The following CTBP2 variants were observed in gnomAD, a reference collection of about 807,000 sequenced individuals.
CTBP2 encodes C-terminal binding protein 2, also known as C-terminal-binding protein 2.
CTBP2 carries 30 observed loss-of-function variants against 80.3 expected under a neutral mutation model. The observed-to-expected ratio is 0.37, with a 90% CI of 0.28 to 0.51. The LOEUF is 0.51. Among genes scored for constraint, CTBP2 ranks in the 20% least tolerant of loss-of-function variants. The pLI, the probability that CTBP2 is intolerant of heterozygous loss-of-function variation, is 0.93. For synonymous variants in CTBP2, 594 were observed against 587.4 expected, an observed-to-expected ratio of 1.01 and a Z score of -0.16; for missense variants, 1,212 against 1,375.3, an observed-to-expected ratio of 0.88 and a Z score of 1.88.
At chr10:125,078,179 C>A (rs1846566266) in intron 2 of CTBP2, among the ~76,000 whole-genome samples, 1 of 150,260 alleles carries the variant, frequency 6.7e-6, no homozygotes, top group Non-Finnish European at 1.5e-5. Flanking sequence ...ACTCTGGAGG[C>A]TGAGGCAGGA....
At chr10:125,079,867 A>C (rs1846908365) in intron 2 of CTBP2, among the ~76,000 whole-genome samples, 1 of 152,142 alleles carries the variant, frequency 6.6e-6, no homozygotes, top group South Asian at 2.1e-4. Context: ...TGTGATGAAA[A>C]CCACTTCCAC....
chr10:124,993,335 A>G lies in CTBP2; in HGVS notation c.2532-6T>C. 6.2e-7 allele frequency: 1 copy of G among 1,605,624 alleles called. No homozygotes were observed. Among genetic ancestry groups the G allele is most frequent in the Non-Finnish European group, 8.5e-7 (1 of 1,173,070 alleles). On this transcript the variant is annotated splice_polypyrimidine_tract_variant and splice_region_variant and intron_variant, in intron 6 of 8. Coordinates refer to ENST00000309035, the MANE Select transcript of CTBP2 (RefSeq NM_022802.3). ...TCAACGGACCCTGAGCAAAGCTAGA[A>G]AAATGTAGAAAAAACAGAGTAAGCG...
In CTBP2 at chr10:124,985,747, C is replaced by T. The variant is rs992997795; in HGVS notation, c.*3771G>A. 20 of 152,308 alleles carry T rather than the reference C, an allele frequency of 1.3e-4. No individual in the cohort carries two copies. The highest frequency in any genetic ancestry group is 7.9e-4 in the Admixed American group (12 of 15,270). 9.4% of individuals were successfully genotyped at this position (152,308 alleles called of 1,614,324 possible). A position where few individuals can be genotyped will look rare whatever the true frequency, so the allele number is the denominator to read the frequency against. On this transcript the variant is annotated 3_prime_UTR_variant, in exon 9 of 9. Transcript: ENST00000309035. ...AAAATGAGGGTTCTTATTCCAGATT[C>T]TGGGCAGTGGTCTGTGAGTAGTTTT...
At position 124,992,901 on chromosome 10, in the gene CTBP2, T is replaced by A. The variant is rs1473623072; in HGVS notation, c.2660-89A>T. 1.0e-5 allele frequency: 11 copies of A among 1,057,462 alleles called. No individual in the cohort carries two copies. The East Asian group carries it at 2.8e-4, about 27-fold the overall frequency. 65.5% of individuals were successfully genotyped at this position (1,057,462 alleles called of 1,614,324 possible). ...ACCTGTAGCTGCTTATGTGGGGAAA[T>A]AAGCATTTGTAAAAATGTAGAACAT... On this transcript the variant is annotated intron_variant, in intron 7 of 8. Coordinates refer to ENST00000309035, the MANE Select transcript of CTBP2 (RefSeq NM_022802.3).
chr10:125,011,780 G>A (rs1289155109), intron 1 of CTBP2, among the ~76,000 whole-genome samples: 5 of 152,216 alleles, frequency 3.3e-5, no homozygotes, highest in Non-Finnish European at 7.3e-5. Flanking sequence ...GCTATTTCCC[G>A]GTTTGTAATG....
chr10:125,025,390 C>T (rs1426266191), intron 1 of CTBP2, among the ~76,000 whole-genome samples: 1 of 152,222 alleles, frequency 6.6e-6, no homozygotes, highest in Non-Finnish European at 1.5e-5. Context: ...AAGAAAACCA[C>T]CTACCATCAC....
intron 1 of CTBP2, among the ~76,000 whole-genome samples, chr10:125,116,281 A>C (rs1364684389): frequency 6.6e-6 from 1 of 152,190 alleles, no homozygotes; most frequent in Non-Finnish European, 1.5e-5. Flanking sequence ...TGCAGGTCAC[A>C]GTGCCCCACA....
chr10:125,146,833 G>A (rs533151853), intron 1 of CTBP2, among the ~76,000 whole-genome samples: 6 of 152,256 alleles, frequency 3.9e-5, no homozygotes, highest in South Asian at 2.1e-4. Context: ...GATGCTGTAC[G>A]CACATGCGTA....
chr10:125,006,331 C>T (rs542103282), intron 1 of CTBP2, among the ~76,000 whole-genome samples: 1 of 152,062 alleles, frequency 6.6e-6, no homozygotes, highest in Non-Finnish European at 1.5e-5. Context: ...GGGTGGGATG[C>T]TTGCGTGCCC....
rs1383859950 is a variant in CTBP2 at position 124,988,615 on chromosome 10, G to GT, written c.*902dup. 6.6e-6 allele frequency: 1 copy of GT among 152,604 alleles called. No individual in the cohort carries two copies. The highest frequency in any genetic ancestry group is 1.5e-5 in the Non-Finnish European group (1 of 68,024). The allele number at this position is 152,604 out of a possible 1,614,324, so 9.5% of individuals were successfully genotyped here. A position where few individuals can be genotyped will look rare whatever the true frequency, so the allele number is the denominator to read the frequency against. ...AGTTGATACAAATCTAATAGGATTT[G>GT]TTAAAATCAGTCACATCTAATACAT... On this transcript the variant is annotated 3_prime_UTR_variant, in exon 9 of 9. Coordinates refer to ENST00000309035, the MANE Select transcript of CTBP2 (RefSeq NM_022802.3).
chr10:125,042,447 A>C (rs904281273), intron 2 of CTBP2, among the ~76,000 whole-genome samples: 1 of 152,206 alleles, frequency 6.6e-6, no homozygotes. Flanking sequence ...TAAACACCAA[A>C]CAATACGGGC....
At chr10:125,115,165 G>A (rs1413472189) in intron 1 of CTBP2, among the ~76,000 whole-genome samples, 3 of 139,316 alleles carry the variant, frequency 2.2e-5, no homozygotes, top group South Asian at 2.2e-4. Flanking sequence ...TCAGCTCAGC[G>A]TGGGCATATA....
Position 125,118,918 on chromosome 10 carries a change from G to A in CTBP2, c.-205-7825C>T, listed in dbSNP as rs1042577277. ...GGACAAGGCGGCTGCTGGTGGAGGTGCACACACCCCTGTGAGATGGTCAGG... is the reference window on the plus strand; with the variant it reads ...GGACAAGGCGGCTGCTGGTGGAGGTACACACACCCCTGTGAGATGGTCAGG... On this transcript the variant is annotated intron_variant, in intron 1 of 10. Coordinates refer to the CTBP2 transcript ENST00000337195. 5.3e-5 allele frequency among the ~76,000 whole-genome samples: 8 copies of A among 152,224 alleles called. No homozygotes were observed. The East Asian group carries it at 7.7e-4, about 15-fold the overall frequency.
rs1248245227 is a variant in CTBP2 at position 125,059,410 on chromosome 10, G to A, written c.-101-20255C>T. Among the ~76,000 whole-genome samples, 13 of 152,054 alleles carry A rather than the reference G, an allele frequency of 8.5e-5. No homozygotes were observed. In the East Asian group the frequency reaches 1.4e-3, roughly 16 times the overall value. ...AACCTGGCCAACATAGCAAAACCCC[G>A]TCTCTACTTAAAATACAAAAAATTA... On this transcript the variant is annotated intron_variant, in intron 2 of 10. Transcript: ENST00000337195.
At chr10:125,114,441 C>T (rs1852847219) in intron 1 of CTBP2, among the ~76,000 whole-genome samples, 1 of 152,144 alleles carries the variant, frequency 6.6e-6, no homozygotes, top group African/African-American at 2.4e-5. Context: ...CCCAACCAGA[C>T]TGTGGTCAGC....
intron 1 of CTBP2, among the ~76,000 whole-genome samples, chr10:125,144,959 T>C (rs1858484551): frequency 1.3e-5 from 2 of 152,222 alleles, no homozygotes; most frequent in Admixed American, 1.3e-4. Context: ...GCTCCAATTT[T>C]ATCAGACACC....
chr10:125,125,965 G>A (rs1261404315), intron 1 of CTBP2, among the ~76,000 whole-genome samples: 1 of 152,258 alleles, frequency 6.6e-6, no homozygotes, highest in Non-Finnish European at 1.5e-5. Context: ...TCAGGGCTGA[G>A]CATTCGAGAA....
At chr10:125,150,048 CAGTT>C (rs749069043) in intron 1 of CTBP2, among the ~76,000 whole-genome samples, 6 of 152,216 alleles carry the variant, frequency 3.9e-5, no homozygotes, top group Admixed American at 6.5e-5. Flanking sequence ...CAGACTATCA[CAGTT>C]AGGAGAAATC....
rs529177051 is a variant in CTBP2 at position 125,055,275 on chromosome 10, G to A, written c.-101-16120C>T. On this transcript the variant is annotated intron_variant, in intron 2 of 10. Transcript: ENST00000337195. ...AGAGGTTCAGGGCACAAACACAGCC[G>A]CTTCTGAGACAGGGAACACCATGAG... Among the ~76,000 whole-genome samples the A allele has an allele frequency of 7.9e-4, 120 of 152,310 alleles. 1 individual carries two copies. The highest frequency in any genetic ancestry group is 3.4e-3 in the Middle Eastern group (1 of 294).
Sources: allele counts gnomAD v4.1 joint callset (sites outside exome capture counted in the v4.1 genomes callset), GRCh38; gene constraint gnomAD v4.1.1; transcripts MANE v1.5; gene names NCBI Gene and HGNC (gene_info 2026-07-23, HGNC 2026-07-21).